Variants in BICC1 observed in about 807,000 individuals in gnomAD.
BICC1 encodes the protein BicC family RNA binding protein 1.
BICC1 carries 43 observed loss-of-function variants against 111.0 expected under a neutral mutation model. That is an observed-to-expected ratio of 0.39 (90% CI 0.30 to 0.50). BICC1 has a LOEUF of 0.50. Among genes scored for constraint, BICC1 ranks in the 20% least tolerant of loss-of-function variants. The probability of loss-of-function intolerance (pLI) is 0.88; values close to 1 mark genes in which losing one functional copy is unlikely to be tolerated. For synonymous variants in BICC1, 467 were observed against 434.4 expected (o/e 1.07, Z -0.93); for missense variants, 1,091 against 1,203.2 (o/e 0.91, Z 1.38).
intron 1 of BICC1, among the ~76,000 whole-genome samples, chr10:58,562,308 A>C (rs569642174): frequency 2.5e-3 from 373 of 150,120 alleles, no homozygotes; most frequent in Non-Finnish European, 4.4e-3. Context: ...TTTTCTTTTT[A>C]TTTTGTTTGA....
At chr10:58,727,931 G>A (rs966912693) in intron 3 of BICC1, among the ~76,000 whole-genome samples, 6 of 152,166 alleles carry the variant, frequency 3.9e-5, no homozygotes, top group African/African-American at 1.4e-4. Flanking sequence ...CAATAGCATT[G>A]TGTCTTTAAA....
intron 1 of BICC1, among the ~76,000 whole-genome samples, chr10:58,571,938 T>A (rs977692967): frequency 1.3e-5 from 2 of 152,184 alleles, no homozygotes; most frequent in Non-Finnish European, 2.9e-5. Context: ...TTGAACTAAT[T>A]TGTACTACCA....
chr10:58,774,470 T>C (rs534381694), intron 3 of BICC1, among the ~76,000 whole-genome samples: 1 of 152,334 alleles, frequency 6.6e-6, no homozygotes, highest in South Asian at 2.1e-4. Flanking sequence ...TTACAGATGA[T>C]CTTTTAAGAT....
intron 8 of BICC1, among the ~76,000 whole-genome samples, chr10:58,790,962 CAGTA>C (rs1437417928): frequency 2.0e-5 from 3 of 152,188 alleles, no homozygotes; most frequent in African/African-American, 7.2e-5. Flanking sequence ...GCATTTGAAT[CAGTA>C]AGCCTCAGGT....
chr10:58,565,950 T>C (rs949074345), intron 1 of BICC1, among the ~76,000 whole-genome samples: 1 of 152,158 alleles, frequency 6.6e-6, no homozygotes, highest in Non-Finnish European at 1.5e-5. Context: ...TTCTAGTCTT[T>C]TATCCCTCAG....
intron 2 of BICC1, among the ~76,000 whole-genome samples, chr10:58,653,744 A>G (rs891035415): frequency 6.8e-4 from 102 of 151,020 alleles, no homozygotes; most frequent in Admixed American, 3.0e-3. Flanking sequence ...GTTTAGTTAC[A>G]TATGTATACA....
At position 58,736,018 on chromosome 10, in the gene BICC1, G is replaced by A. The variant is rs114254292; in HGVS notation, c.307+33875G>A. 9.2e-3 allele frequency among the ~76,000 whole-genome samples: 1,403 copies of A among 152,170 alleles called. 24 individuals carry two copies. Among genetic ancestry groups the A allele is most frequent in the African/African-American group, 0.031 (1,305 of 41,508 alleles). ...GTTTTATCAGGCAAAAAAGTATCAC[G>A]ATTACCTACGAAGCATCACTGCCAA... is the stretch of plus-strand genomic sequence containing the variant. On this transcript the variant is annotated intron_variant, in intron 3 of 20. Transcript: ENST00000373886.
intron 18 of BICC1, among the ~76,000 whole-genome samples, chr10:58,816,524 A>G (rs1844093603): frequency 6.6e-6 from 1 of 152,142 alleles, no homozygotes; most frequent in Non-Finnish European, 1.5e-5. Flanking sequence ...ATGACACCCA[A>G]AACAGTGCAG....
chr10:58,750,509 C>T (rs928582048), intron 3 of BICC1, among the ~76,000 whole-genome samples: 2 of 152,028 alleles, frequency 1.3e-5, no homozygotes, highest in African/African-American at 4.8e-5. Context: ...CAAGAAATAA[C>T]GAACCTTTGT....
intron 2 of BICC1, among the ~76,000 whole-genome samples, chr10:58,660,347 C>T (rs1398640095): frequency 1.3e-5 from 2 of 152,122 alleles, no homozygotes; most frequent in African/African-American, 4.8e-5. Context: ...GCCCTAAAAT[C>T]ATTTCTCCAG....
intron 3 of BICC1, among the ~76,000 whole-genome samples, chr10:58,772,574 C>T (rs1488711162): frequency 6.6e-6 from 1 of 152,106 alleles, no homozygotes; most frequent in Non-Finnish European, 1.5e-5. Flanking sequence ...AAATCTGTTC[C>T]CTGAATGTCT....
rs547531267 is a variant in BICC1 at position 58,771,409 on chromosome 10, A to G, written c.308-13592A>G. 9.6e-4 allele frequency among the ~76,000 whole-genome samples: 146 copies of G among 152,304 alleles called. 1 individual carries two copies. The highest frequency in any genetic ancestry group is 3.4e-3 in the African/African-American group (140 of 41,572). ...TGTGAGGGGTATAAAAACTGGGCAC[A>G]GTGTCTCCCATTAGATCACAGGGCC... is the stretch of plus-strand genomic sequence containing the variant. On this transcript the variant is annotated intron_variant, in intron 3 of 20. Transcript: ENST00000373886.
At chr10:58,778,938 C>G (rs1842816030) in intron 3 of BICC1, among the ~76,000 whole-genome samples, 1 of 152,144 alleles carries the variant, frequency 6.6e-6, no homozygotes, top group African/African-American at 2.4e-5. Flanking sequence ...ATGTAAAGTG[C>G]ACAGGCTTCT....
At chr10:58,657,360 G>A in intron 2 of BICC1, among the ~76,000 whole-genome samples, 1 of 152,120 alleles carries the variant, frequency 6.6e-6, no homozygotes, top group African/African-American at 2.4e-5. Context: ...TCAGGTAAAG[G>A]TAAGGATTGC....
At chr10:58,605,002 T>A (rs1487491045) in intron 1 of BICC1, among the ~76,000 whole-genome samples, 1 of 152,160 alleles carries the variant, frequency 6.6e-6, no homozygotes, top group Non-Finnish European at 1.5e-5. Context: ...ATTTTGAGGG[T>A]ACCACCCTCA....
At position 58,702,202 on chromosome 10, in the gene BICC1, G is replaced by A. The variant is rs564690086; in HGVS notation, c.307+59G>A. The stretch of plus-strand genomic sequence containing the variant: ...TGATAACTGAGATTATGGAATTACT[G>A]CAGGTTTGCTGGGGAGAAAACTAAC... On this transcript the variant is annotated intron_variant, in intron 3 of 20. Coordinates refer to ENST00000373886, the MANE Select transcript of BICC1 (RefSeq NM_001080512.3). The A allele has an allele frequency of 2.5e-5, 35 of 1,390,226 alleles. No individual in the cohort carries two copies. In the Admixed American group the frequency reaches 2.6e-4, roughly 10 times the overall value. The allele number at this position is 1,390,226 out of a possible 1,614,324, so 86.1% of individuals were successfully genotyped here.
chr10:58,597,834 G>A (rs889277899), intron 1 of BICC1, among the ~76,000 whole-genome samples: 5 of 152,000 alleles, frequency 3.3e-5, no homozygotes, highest in Admixed American at 6.6e-5. Flanking sequence ...AACCCCGCAG[G>A]CAGTCAGACC....
chr10:58,779,723 A>G (rs1842835681), intron 3 of BICC1, among the ~76,000 whole-genome samples: 1 of 152,150 alleles, frequency 6.6e-6, no homozygotes, highest in Non-Finnish European at 1.5e-5. Context: ...GACACCACAT[A>G]TTTTTACCAC....
At chr10:58,719,066 C>T (rs1286634431) in intron 3 of BICC1, among the ~76,000 whole-genome samples, 1 of 152,090 alleles carries the variant, frequency 6.6e-6, no homozygotes, top group African/African-American at 2.4e-5. Context: ...TCCATTTCTA[C>T]TTTGTCTCCA....
Sources: gnomAD v4.1 joint callset for allele counts (sites outside exome capture counted in the v4.1 genomes callset) on GRCh38, gnomAD v4.1.1 for gene constraint, MANE v1.5 for transcripts, NCBI Gene and HGNC (gene_info 2026-07-23, HGNC 2026-07-21) for gene names.